PALLD: variants seen among roughly 807,000 people sequenced by gnomAD.
The protein encoded by PALLD is palladin.
A neutral mutation model predicts 123.5 loss-of-function variants in PALLD; 61 were observed. The ratio of observed to expected loss-of-function variants is 0.49; its 90% CI spans 0.40 to 0.61. PALLD has a LOEUF of 0.61. PALLD is among the 20% of genes least tolerant of loss of function. The pLI is 0.00. For synonymous variants in PALLD, 465 were observed against 496.4 expected (o/e 0.94, Z 0.84); for missense variants, 1,273 against 1,377.0 (o/e 0.92, Z 1.20).
intron 10 of PALLD, among the ~76,000 whole-genome samples, chr4:168,851,430 C>A (rs1747764333): frequency 6.6e-6 from 1 of 151,098 alleles, no homozygotes; most frequent in Non-Finnish European, 1.5e-5. Flanking sequence ...TGCAATGGCG[C>A]AATCTCGGCT....
At chr4:168,569,288 G>A (rs1437581501) in intron 2 of PALLD, among the ~76,000 whole-genome samples, 1 of 152,094 alleles carries the variant, frequency 6.6e-6, no homozygotes, top group East Asian at 1.9e-4. Context: ...TGACCAATGA[G>A]AACTGAGATA....
intron 2 of PALLD, among the ~76,000 whole-genome samples, chr4:168,660,095 A>G (rs927547176): frequency 2.6e-5 from 4 of 152,198 alleles, no homozygotes; most frequent in Admixed American, 6.5e-5. Context: ...GCATTCCCAG[A>G]TGTGTACTGC....
intron 21 of PALLD, 40 bp downstream of exon 21, chr4:168,925,318 T>C (rs181761795): frequency 2.8e-6 from 4 of 1,450,896 alleles, no homozygotes; most frequent in African/African-American, 2.8e-5. Flanking sequence ...AAAATATGCA[T>C]GTTGATTTCT....
chr4:168,773,945 G>A (rs1459814240), intron 10 of PALLD, among the ~76,000 whole-genome samples: 1 of 151,930 alleles, frequency 6.6e-6, no homozygotes. Flanking sequence ...ATTTAACCAT[G>A]TATTATTTCA....
At chr4:168,543,638 A>G (rs765729617) in intron 2 of PALLD, among the ~76,000 whole-genome samples, 5 of 152,178 alleles carry the variant, frequency 3.3e-5, no homozygotes, top group African/African-American at 4.8e-5. Context: ...TAAATACTGT[A>G]TATTATACCC....
intron 10 of PALLD, among the ~76,000 whole-genome samples, chr4:168,724,859 G>T: frequency 6.6e-6 from 1 of 152,038 alleles, no homozygotes; most frequent in Non-Finnish European, 1.5e-5. Context: ...TCACTGCAAG[G>T]GTTTTTTATG....
intron 8 of PALLD, among the ~76,000 whole-genome samples, chr4:168,692,555 T>C (rs891411473): frequency 6.6e-6 from 1 of 152,210 alleles, no homozygotes; most frequent in South Asian, 2.1e-4. Flanking sequence ...GGGAATCCTG[T>C]AGGGAGTTAG....
chr4:168,703,394 C>T (rs892868013), intron 8 of PALLD, among the ~76,000 whole-genome samples: 18 of 119,254 alleles, frequency 1.5e-4, no homozygotes, highest in African/African-American at 2.2e-4. Flanking sequence ...TTTATAGCAG[C>T]ATGATTTATA....
intron 2 of PALLD, among the ~76,000 whole-genome samples, chr4:168,625,401 C>T (rs1479980775): frequency 1.4e-5 from 2 of 138,948 alleles, no homozygotes; most frequent in Non-Finnish European, 3.2e-5. Context: ...TTAAAAACTT[C>T]TGTGTATCAA....
intron 10 of PALLD, among the ~76,000 whole-genome samples, chr4:168,861,658 A>AT (rs1242628875): frequency 4.0e-5 from 6 of 151,668 alleles, no homozygotes; most frequent in Non-Finnish European, 8.8e-5. Flanking sequence ...TATGTTGAAG[A>AT]TTTTTTTTAA....
At position 168,612,882 on chromosome 4, in the gene PALLD, G is replaced by C. The variant is rs551560158; in HGVS notation, c.909-55308G>C. Among the ~76,000 whole-genome samples, 26 of 152,254 alleles carry C rather than the reference G, an allele frequency of 1.7e-4. No homozygotes were observed. The South Asian group carries it at 5.4e-3, about 32-fold the overall frequency. On this transcript the variant is annotated intron_variant, in intron 2 of 21. Transcript: ENST00000505667. ...TGGAGGAAAATGCATGCTTATATTA[G>C]AGAACCCATGTCTCTGAAACCCTGG...
At chr4:168,585,810 G>C (rs559291065) in intron 2 of PALLD, among the ~76,000 whole-genome samples, 193 of 152,250 alleles carry the variant, frequency 1.3e-3, no homozygotes, top group African/African-American at 4.5e-3. Flanking sequence ...CAATGTCAGA[G>C]TTAGCTTGGG....
At chr4:168,648,070 G>C (rs1777654956) in intron 2 of PALLD, 3 of 152,056 alleles carry the variant, frequency 2.0e-5, no homozygotes, top group Non-Finnish European at 2.9e-5. Flanking sequence ...AAGGTGATTT[G>C]ATGTGAACTC....
intron 2 of PALLD, among the ~76,000 whole-genome samples, chr4:168,524,207 G>T (rs1430676078): frequency 1.3e-5 from 2 of 152,164 alleles, no homozygotes; most frequent in African/African-American, 2.4e-5. Context: ...TACAAATTTG[G>T]TCAGAATTGT....
intron 10 of PALLD, among the ~76,000 whole-genome samples, chr4:168,872,592 T>C (rs988218702): frequency 6.6e-6 from 1 of 152,212 alleles, no homozygotes; most frequent in Non-Finnish European, 1.5e-5. Flanking sequence ...TCCCCCAACC[T>C]TAGGGGAATG....
At chr4:168,864,122 T>C (rs1749908999) in intron 10 of PALLD, 2 of 152,234 alleles carry the variant, frequency 1.3e-5, no homozygotes, top group Non-Finnish European at 2.9e-5. Flanking sequence ...CATGTATATA[T>C]GCACACATAC....
At chr4:168,781,480 G>T (rs1735919254) in intron 10 of PALLD, among the ~76,000 whole-genome samples, 1 of 152,328 alleles carries the variant, frequency 6.6e-6, no homozygotes, top group Admixed American at 6.5e-5. Context: ...ATGACATGGT[G>T]TATGGCCAGG....
intron 2 of PALLD, among the ~76,000 whole-genome samples, chr4:168,611,276 C>G (rs1773701885): frequency 2.0e-5 from 3 of 152,150 alleles, no homozygotes; most frequent in African/African-American, 7.2e-5. Context: ...TGAGCTCCAC[C>G]AACAATGAAA....
intron 10 of PALLD, among the ~76,000 whole-genome samples, chr4:168,736,106 T>C (rs1243317386): frequency 6.6e-6 from 1 of 152,264 alleles, no homozygotes; most frequent in African/African-American, 2.4e-5. Flanking sequence ...ATGCAAAGTC[T>C]TCCTGTGACC....
Sources: allele counts gnomAD v4.1 joint callset (sites outside exome capture counted in the v4.1 genomes callset), GRCh38; gene constraint gnomAD v4.1.1; transcripts MANE v1.5; gene names NCBI Gene and HGNC (gene_info 2026-07-23, HGNC 2026-07-21).